Variants in DDX25 observed in about 807,000 individuals in gnomAD.
The protein encoded by DDX25 is DEAD-box helicase 25.
A neutral mutation model predicts 64.6 loss-of-function variants in DDX25; 70 were observed. That is an observed-to-expected ratio of 1.08 (90% confidence interval 0.89 to 1.32). The LOEUF (loss-of-function observed/expected upper bound fraction) is 1.32. Among genes scored for constraint, DDX25 ranks in the 40% most tolerant of loss-of-function variants. DDX25 has a pLI of 0.00. For missense variants in DDX25, 587 were observed against 604.4 expected, an observed-to-expected ratio of 0.97 and a Z score of 0.30; for synonymous variants, 211 against 213.3, an observed-to-expected ratio of 0.99 and a Z score of 0.09.
Position 125,921,589 on chromosome 11 carries a change from G to A in DDX25, c.1390+210G>A. On this transcript the variant is annotated intron_variant, in intron 11 of 11. Transcript: ENST00000263576. This position sits in a 1 kb window ranked among gnomAD's most constrained non-coding sequence, Gnocchi z 4.1. Reference sequence around the variant, plus strand: ...GGTAATTAAAAATTATTTTGATCAAGCAGAATTAATATGAGCTCAGGCCGG... The same window carrying A: ...GGTAATTAAAAATTATTTTGATCAAACAGAATTAATATGAGCTCAGGCCGG... 2 of 586,234 alleles carry A rather than the reference G, an allele frequency of 3.4e-6. No homozygotes were observed. Among genetic ancestry groups the A allele is most frequent in the South Asian group, 2.8e-5 (1 of 35,758 alleles). 36.3% of individuals were successfully genotyped at this position (586,234 alleles called of 1,614,324 possible).
chr11:125,915,145 A>G (rs1945020435), intron 8 of DDX25, among the ~76,000 whole-genome samples: 1 of 152,192 alleles, frequency 6.6e-6, no homozygotes, highest in Admixed American at 6.5e-5. Flanking sequence ...CTTTTATTTT[A>G]TACTCAAGAG....
Position 125,911,410 on chromosome 11 carries a change from T to G in DDX25, c.722T>G (p.Ile241Ser). Residue 241 changes from isoleucine (I) to serine (S), a missense_variant, in exon 8 of 12, where the codon ATT (isoleucine) becomes AGT (serine). Ile to Ser is a moderately radical substitution (Grantham distance 142, BLOSUM62 -2). Transcript: ENST00000263576. ...FKLKLIDLTKIRVFVLDEADV... is the reference protein window; with the variant it reads ...FKLKLIDLTKSRVFVLDEADV... ...CTAAAATTGATTGATTTGACTAAGA[T>G]TCGTGTGTTTGTCCTGGATGAAGCA... is the stretch of plus-strand genomic sequence containing the variant. 1 of 1,613,920 alleles carries G rather than the reference T, an allele frequency of 6.2e-7. No homozygotes were observed. Among genetic ancestry groups the G allele is most frequent in the Non-Finnish European group, 8.5e-7 (1 of 1,179,856 alleles).
intron 9 of DDX25, among the ~76,000 whole-genome samples, chr11:125,917,783 G>C (rs1262756201): frequency 6.6e-6 from 1 of 152,214 alleles, no homozygotes; most frequent in African/African-American, 2.4e-5. Context: ...ATAAAAGAAA[G>C]CTCAGCTCTG....
chr11:125,907,403 T>C (rs752459885), intron 4 of DDX25, among the ~76,000 whole-genome samples: 36 of 152,180 alleles, frequency 2.4e-4, no homozygotes, highest in Non-Finnish European at 4.0e-4. Context: ...GGTCAGGAGA[T>C]CGAGACCATC....
intron 6 of DDX25, among the ~76,000 whole-genome samples, chr11:125,910,078 C>G (rs1034388349): frequency 1.3e-5 from 2 of 151,776 alleles, no homozygotes; most frequent in East Asian, 1.9e-4. Flanking sequence ...ATGCCTCCCC[C>G]ACTCCAAAAA....
chr11:125,908,186 T>C lies in DDX25; in HGVS notation c.312-10T>C. On this transcript the variant is annotated splice_polypyrimidine_tract_variant and intron_variant, in intron 4 of 11. Transcript: ENST00000263576. Reference sequence around the variant, plus strand: ...ATAATCTGTAAGTGTTTGATTTTTTTTTTTGACAGAAAGGAAGAGTTACTA... The same window carrying C: ...ATAATCTGTAAGTGTTTGATTTTTTCTTTTGACAGAAAGGAAGAGTTACTA... 1 of 1,585,830 alleles carries C rather than the reference T, an allele frequency of 6.3e-7. No individual in the cohort carries two copies. Among genetic ancestry groups the C allele is most frequent in the Non-Finnish European group, 8.6e-7 (1 of 1,165,808 alleles).
chr11:125,921,620 G>A lies in DDX25; in HGVS notation c.1390+241G>A. On this transcript the variant is annotated intron_variant, in intron 11 of 11. Transcript: ENST00000263576. The surrounding 1 kb of genome is among the most constrained non-coding windows in gnomAD (Gnocchi z 4.1). ...TTAATATGAGCTCAGGCCGGGTGTG[G>A]CAGCTCACACCTGTAATCCCAGCAC... 4 of 469,262 alleles carry A rather than the reference G, an allele frequency of 8.5e-6. No individual in the cohort carries two copies. Among genetic ancestry groups the A allele is most frequent in the East Asian group, 3.6e-5 (1 of 27,484 alleles). The allele number at this position is 469,262 out of a possible 1,614,324, so 29.1% of individuals were successfully genotyped here.
In DDX25 at chr11:125,905,664, G is replaced by A. The variant is rs537305446; in HGVS notation, c.175+67G>A. 4 of 1,444,864 alleles carry A rather than the reference G, an allele frequency of 2.8e-6. No individual in the cohort carries two copies. The South Asian group carries it at 5.0e-5, about 18-fold the overall frequency. 89.5% of individuals were successfully genotyped at this position (1,444,864 alleles called of 1,614,324 possible). ...TTTCCGTTTATAACTTTAATAGTGT[G>A]AGTGAATAATATAATCTCAATTGGA... On this transcript the variant is annotated intron_variant, in intron 3 of 11. Coordinates refer to ENST00000263576, the MANE Select transcript of DDX25 (RefSeq NM_013264.5).
chr11:125,903,451 A>T (rs1944828831), upstream of DDX25: 1 of 153,634 alleles, frequency 6.5e-6, no homozygotes, highest in Non-Finnish European at 1.4e-5. Flanking sequence ...AAATTCTGCT[A>T]TCCTTATACG....
At position 125,924,383 on chromosome 11, in the gene DDX25, C is replaced by G. The variant is rs1484577177; in HGVS notation, c.*1502C>G. On this transcript the variant is annotated 3_prime_UTR_variant, in exon 12 of 12. Coordinates refer to ENST00000263576, the MANE Select transcript of DDX25 (RefSeq NM_013264.5). ...ACAACAGCCATGTTGGAATTCAGAGCCTAATGGCAGAGACCTAGAATAAGC... is the reference window on the plus strand; with the variant it reads ...ACAACAGCCATGTTGGAATTCAGAGGCTAATGGCAGAGACCTAGAATAAGC... 1 of 152,264 alleles carries G rather than the reference C, an allele frequency of 6.6e-6. No individual in the cohort carries two copies. Among genetic ancestry groups the G allele is most frequent in the Non-Finnish European group, 1.5e-5 (1 of 68,132 alleles). 9.4% of individuals were successfully genotyped at this position (152,264 alleles called of 1,614,324 possible).
At position 125,923,093 on chromosome 11, in the gene DDX25, G is replaced by A. The variant is rs1216616802; in HGVS notation, c.*212G>A. ...ATCCTTTTGAATAAAAAAAAGGCAAGATTATTTCTTATTCTAATCTTTGTA... is the reference window on the plus strand; with the variant it reads ...ATCCTTTTGAATAAAAAAAAGGCAAAATTATTTCTTATTCTAATCTTTGTA... On this transcript the variant is annotated 3_prime_UTR_variant, in exon 12 of 12. Coordinates refer to ENST00000263576, the MANE Select transcript of DDX25 (RefSeq NM_013264.5). 1.8e-6 allele frequency: 1 copy of A among 548,730 alleles called. No individual in the cohort carries two copies. Among genetic ancestry groups the A allele is most frequent in the Non-Finnish European group, 3.2e-6 (1 of 309,646 alleles). The allele number at this position is 548,730 out of a possible 1,614,324, so 34.0% of individuals were successfully genotyped here.
chr11:125,907,813 T>C (rs1334937626), intron 4 of DDX25, among the ~76,000 whole-genome samples: 4 of 152,188 alleles, frequency 2.6e-5, no homozygotes, highest in Non-Finnish European at 5.9e-5. Context: ...AAAATGTCAA[T>C]ATCGTTCGTG....
chr11:125,907,634 G>T (rs906728349), intron 4 of DDX25, among the ~76,000 whole-genome samples: 2 of 151,980 alleles, frequency 1.3e-5, no homozygotes, highest in Non-Finnish European at 2.9e-5. Flanking sequence ...AAGTGTTGTA[G>T]TCCACTTGAT....
rs141036958 is a variant in DDX25 at position 125,919,406 on chromosome 11, A to AACGTC, written c.1201+619_1201+623dup. ...CTCTGCATTCTTGCCAGCAATTGCT[A>AACGTC]ACGTCACTCTTAATTTTAACCATTC... On this transcript the variant is annotated intron_variant, in intron 10 of 11. Transcript: ENST00000263576. Among the ~76,000 whole-genome samples the AACGTC allele has an allele frequency of 2.0e-3, 311 of 152,304 alleles. 1 individual carries two copies. Among genetic ancestry groups the AACGTC allele is most frequent in the Middle Eastern group, 0.01 (3 of 294 alleles).
chr11:125,905,347 C>A, intron 2 of DDX25, 69 bp downstream of exon 2: 1 of 1,512,358 alleles, frequency 6.6e-7, no homozygotes, highest in South Asian at 1.2e-5. Flanking sequence ...TTCATCACGT[C>A]CCTGCCAAGT....
rs1234747490 is a variant in DDX25 at position 125,926,861 on chromosome 11, C to G, written c.*3980C>G. On this transcript the variant is annotated 3_prime_UTR_variant, in exon 12 of 12. Coordinates refer to ENST00000263576, the MANE Select transcript of DDX25 (RefSeq NM_013264.5). ...GGCGCCCAGCCTCCCCTTCTCATTT[C>G]TGTCTGCTGACTCCTCTTCCCGTTC... The G allele has an allele frequency of 2.0e-5, 3 of 152,258 alleles. No homozygotes were observed. The highest frequency in any genetic ancestry group is 4.4e-5 in the Non-Finnish European group (3 of 68,120). 9.4% of individuals were successfully genotyped at this position (152,258 alleles called of 1,614,324 possible).
In DDX25 at chr11:125,918,806, C is replaced by T; in HGVS notation, c.1201+16C>T. 1 of 1,550,294 alleles carries T rather than the reference C, an allele frequency of 6.5e-7. No homozygotes were observed. Among genetic ancestry groups the T allele is most frequent in the East Asian group, 2.4e-5 (1 of 41,326 alleles). On this transcript the variant is annotated intron_variant, in intron 10 of 11. Transcript: ENST00000263576. Reference sequence around the variant, plus strand: ...TGTGCCCGAGGTGTGTGTTAAAAGTCAGGTCTTGAGTTCTAATTTGCATAT... The same window carrying T: ...TGTGCCCGAGGTGTGTGTTAAAAGTTAGGTCTTGAGTTCTAATTTGCATAT...
intron 8 of DDX25, 27 bp from the exon 9 acceptor site, chr11:125,916,987 G>A: frequency 1.3e-6 from 2 of 1,560,050 alleles, no homozygotes; most frequent in Non-Finnish European, 1.7e-6. Flanking sequence ...TGGCAGCTTG[G>A]TGACAGCCTT....
In DDX25 at chr11:125,925,445, T is replaced by A. The variant is rs1565470480; in HGVS notation, c.*2564T>A. 2.2e-6 allele frequency: 1 copy of A among 456,220 alleles called. No homozygotes were observed. Among genetic ancestry groups the A allele is most frequent in the Non-Finnish European group, 4.4e-6 (1 of 226,954 alleles). The allele number at this position is 456,220 out of a possible 1,614,324, so 28.3% of individuals were successfully genotyped here. Reference sequence around the variant, plus strand: ...TGGTGAGTCAACAATCCAAAGGCTGTTTTTTGCAGGGTGCAGCTCCTGTCA... The same window carrying A: ...TGGTGAGTCAACAATCCAAAGGCTGATTTTTGCAGGGTGCAGCTCCTGTCA... On this transcript the variant is annotated 3_prime_UTR_variant, in exon 12 of 12. Transcript: ENST00000263576.
Sources: gnomAD v4.1 joint callset for allele counts (sites outside exome capture counted in the v4.1 genomes callset) on GRCh38, gnomAD v4.1.1 for gene constraint, Gnocchi (gnomAD v3.1) non-coding constraint, MANE v1.5 for transcripts, NCBI Gene and HGNC (gene_info 2026-07-23, HGNC 2026-07-21) for gene names.